CNTNAP2: variants seen among roughly 807,000 people sequenced by gnomAD.
CNTNAP2 encodes the protein contactin-associated protein-like 2.
Under a neutral mutation model 155.2 loss-of-function variants are expected in CNTNAP2, and 98 were observed. That is an observed-to-expected ratio of 0.63 (90% CI 0.54 to 0.75). The LOEUF is 0.75. Among genes scored for constraint, CNTNAP2 ranks in the 30% least tolerant of loss-of-function variants. The probability of loss-of-function intolerance (pLI) is 0.00; values close to 1 mark genes in which losing one functional copy is unlikely to be tolerated. For missense variants in CNTNAP2, 1,727 were observed against 1,688.1 expected, an observed-to-expected ratio of 1.02 and a Z score of -0.40; for synonymous variants, 651 against 631.2, an observed-to-expected ratio of 1.03 and a Z score of -0.47.
At chr7:147,029,785 A>T (rs757352493) in intron 3 of CNTNAP2, among the ~76,000 whole-genome samples, 4 of 152,206 alleles carry the variant, frequency 2.6e-5, no homozygotes, top group Non-Finnish European at 5.9e-5. Context: ...ATTTCATGGC[A>T]TAAATTTATC....
At chr7:146,741,374 T>C (rs987197711) in intron 1 of CNTNAP2, among the ~76,000 whole-genome samples, 9 of 152,172 alleles carry the variant, frequency 5.9e-5, no homozygotes, top group Non-Finnish European at 8.8e-5. Flanking sequence ...CATCTGTTGC[T>C]GTGCTGGATA....
chr7:146,435,471 C>T (rs548139356), intron 1 of CNTNAP2, among the ~76,000 whole-genome samples: 12 of 152,148 alleles, frequency 7.9e-5, no homozygotes, highest in South Asian at 6.2e-4. Flanking sequence ...AGAGTTTGTA[C>T]GAACAAATGA....
At chr7:147,307,177 A>G (rs1465243814) in intron 9 of CNTNAP2, among the ~76,000 whole-genome samples, 1 of 152,224 alleles carries the variant, frequency 6.6e-6, no homozygotes, top group Non-Finnish European at 1.5e-5. Flanking sequence ...AGAGAACACC[A>G]CTGGCACCCC....
At chr7:147,181,954 G>A (rs560285668) in intron 8 of CNTNAP2, among the ~76,000 whole-genome samples, 26 of 151,744 alleles carry the variant, frequency 1.7e-4, no homozygotes, top group Non-Finnish European at 2.9e-4. Context: ...GTGAAACCCC[G>A]TCCATACTAA....
intron 13 of CNTNAP2, among the ~76,000 whole-genome samples, chr7:147,657,702 G>C (rs957839240): frequency 2.0e-5 from 3 of 152,116 alleles, no homozygotes; most frequent in Admixed American, 1.3e-4. Flanking sequence ...TATAAAACAA[G>C]CCCTTAAAAA....
chr7:146,385,585 A>G (rs1200422818), intron 1 of CNTNAP2, among the ~76,000 whole-genome samples: 7 of 152,192 alleles, frequency 4.6e-5, no homozygotes, highest in Non-Finnish European at 1.0e-4. Flanking sequence ...CTTGTACTTG[A>G]ATTTGGATGA....
At chr7:147,313,113 GT>G (rs1190669031) in intron 9 of CNTNAP2, among the ~76,000 whole-genome samples, 5 of 139,256 alleles carry the variant, frequency 3.6e-5, no homozygotes, top group Non-Finnish European at 7.6e-5. Context: ...GGGGTTGTTT[GT>G]TTTTTTCTTG....
intron 12 of CNTNAP2, among the ~76,000 whole-genome samples, chr7:147,629,128 G>A (rs572576961): frequency 1.3e-5 from 2 of 152,130 alleles, no homozygotes; most frequent in East Asian, 3.9e-4. Flanking sequence ...TAGGCCGACC[G>A]CTGTGGTTCA....
At position 147,284,801 on chromosome 7, in the gene CNTNAP2, A is replaced by G. The variant is rs541281742; in HGVS notation, c.1349-15340A>G. Among the ~76,000 whole-genome samples, 3 of 152,030 alleles carry G rather than the reference A, an allele frequency of 2.0e-5. No homozygotes were observed. In the East Asian group the frequency reaches 5.8e-4, roughly 29 times the overall value. ...AAAAAAGATTATTGTTGAATTGAAGATTTCTGAAGAGACATAGTTAATGAA... is the reference window on the plus strand; with the variant it reads ...AAAAAAGATTATTGTTGAATTGAAGGTTTCTGAAGAGACATAGTTAATGAA... On this transcript the variant is annotated intron_variant, in intron 8 of 23. Coordinates refer to ENST00000361727, the MANE Select transcript of CNTNAP2 (RefSeq NM_014141.6).
At chr7:147,395,521 G>A in intron 9 of CNTNAP2, 88 bp from the exon 10 acceptor site, 1 of 1,276,760 alleles carries the variant, frequency 7.8e-7, no homozygotes, top group Non-Finnish European at 1.1e-6. Flanking sequence ...TGGATGTGAT[G>A]GCTGTGGCCA....
chr7:146,924,049 G>A (rs1054494446), intron 3 of CNTNAP2, among the ~76,000 whole-genome samples: 2 of 151,642 alleles, frequency 1.3e-5, no homozygotes, highest in African/African-American at 2.4e-5. Flanking sequence ...TTTTTCTTCT[G>A]CCGCGGTTCT....
intron 3 of CNTNAP2, among the ~76,000 whole-genome samples, chr7:146,960,878 G>A (rs1054566530): frequency 6.6e-6 from 1 of 152,060 alleles, no homozygotes; most frequent in Non-Finnish European, 1.5e-5. Flanking sequence ...CTAGCTGTGA[G>A]AGAATCCTTA....
chr7:147,795,725 T>C (rs904863539), intron 13 of CNTNAP2, among the ~76,000 whole-genome samples: 1 of 152,114 alleles, frequency 6.6e-6, no homozygotes, highest in African/African-American at 2.4e-5. Flanking sequence ...GAAATCTGGG[T>C]TTTAATTCTA....
chr7:147,826,582 G>T (rs1444062835), intron 13 of CNTNAP2, among the ~76,000 whole-genome samples: 1 of 152,108 alleles, frequency 6.6e-6, no homozygotes, highest in East Asian at 1.9e-4. Context: ...ATTTAATGGG[G>T]AGTCTAAAAC....
At chr7:146,250,889 T>A (rs998294707) in intron 1 of CNTNAP2, among the ~76,000 whole-genome samples, 3 of 152,168 alleles carry the variant, frequency 2.0e-5, no homozygotes, top group African/African-American at 7.2e-5. Flanking sequence ...AGATATAAAA[T>A]TACCATGCAT....
At chr7:146,887,510 G>A (rs1795691601) in intron 3 of CNTNAP2, among the ~76,000 whole-genome samples, 1 of 151,968 alleles carries the variant, frequency 6.6e-6, no homozygotes, top group Non-Finnish European at 1.5e-5. Context: ...TTAATATCCT[G>A]CAGCCTGACC....
chr7:146,249,802 C>T (rs1395005636), intron 1 of CNTNAP2, among the ~76,000 whole-genome samples: 2 of 151,862 alleles, frequency 1.3e-5, no homozygotes, highest in African/African-American at 4.8e-5. Context: ...CATTTTATTT[C>T]CTTGGCCGTT....
At chr7:146,719,490 G>C (rs913934248) in intron 1 of CNTNAP2, among the ~76,000 whole-genome samples, 1 of 152,098 alleles carries the variant, frequency 6.6e-6, no homozygotes, top group African/African-American at 2.4e-5. Flanking sequence ...CAGTTCACAG[G>C]CAGATTTCTA....
chr7:146,596,285 G>C (rs1798857039), intron 1 of CNTNAP2, among the ~76,000 whole-genome samples: 1 of 151,918 alleles, frequency 6.6e-6, no homozygotes, highest in Non-Finnish European at 1.5e-5. Context: ...GTGATAAGAG[G>C]AAACCAACTG....
Sources: gnomAD v4.1 joint callset for allele counts (sites outside exome capture counted in the v4.1 genomes callset) on GRCh38, gnomAD v4.1.1 for gene constraint, MANE v1.5 for transcripts, NCBI Gene and HGNC (gene_info 2026-07-23, HGNC 2026-07-21) for gene names.